FBXL7: variants seen among roughly 807,000 people sequenced by gnomAD.
FBXL7 encodes the protein F-box/LRR-repeat protein 7.
Under a neutral mutation model 38.3 loss-of-function variants are expected in FBXL7, and 12 were observed. That is an observed-to-expected ratio of 0.31 (90% CI 0.20 to 0.51). The LOEUF (loss-of-function observed/expected upper bound fraction) is 0.51. FBXL7 is among the 20% of genes least tolerant of loss of function. The pLI, the probability that FBXL7 is intolerant of heterozygous loss-of-function variation, is 0.98. For missense variants in FBXL7, 567 were observed against 676.4 expected, an observed-to-expected ratio of 0.84 and a Z score of 1.79; for synonymous variants, 297 against 300.9, an observed-to-expected ratio of 0.99 and a Z score of 0.13.
At chr5:15,869,617 T>C (rs1463587972) in intron 2 of FBXL7, among the ~76,000 whole-genome samples, 1 of 152,148 alleles carries the variant, frequency 6.6e-6, no homozygotes, top group Non-Finnish European at 1.5e-5. Flanking sequence ...GATCCCTAAA[T>C]AGAGATTTTT....
chr5:15,589,654 A>G (rs1307238902), intron 1 of FBXL7, among the ~76,000 whole-genome samples: 1 of 152,190 alleles, frequency 6.6e-6, no homozygotes, highest in Non-Finnish European at 1.5e-5. Flanking sequence ...TTATTTTTCT[A>G]TTCTTCAAAT....
intron 2 of FBXL7, among the ~76,000 whole-genome samples, chr5:15,664,269 C>G (rs931666785): frequency 2.0e-5 from 3 of 152,134 alleles, no homozygotes; most frequent in South Asian, 2.1e-4. Flanking sequence ...CTCTCTCAGT[C>G]TTTGTGTTAT....
At chr5:15,689,634 TAAAC>T (rs1328057813) in intron 2 of FBXL7, among the ~76,000 whole-genome samples, 3 of 152,288 alleles carry the variant, frequency 2.0e-5, no homozygotes, top group African/African-American at 4.8e-5. Flanking sequence ...TTAACTAAGA[TAAAC>T]AAAAACACTT....
At chr5:15,600,228 C>T (rs1224745685) in intron 1 of FBXL7, among the ~76,000 whole-genome samples, 1 of 152,232 alleles carries the variant, frequency 6.6e-6, no homozygotes, top group African/African-American at 2.4e-5. Flanking sequence ...GGTCAGTGGT[C>T]TCTTATCAGG....
chr5:15,928,328 A>C lies in FBXL7; in HGVS notation c.566A>C (p.Glu189Ala). 1 of 1,613,940 alleles carries C rather than the reference A, an allele frequency of 6.2e-7. No individual in the cohort carries two copies. The highest frequency in any genetic ancestry group is 8.5e-7 in the Non-Finnish European group (1 of 1,179,862). The change falls in exon 3 of 4, where the codon GAA becomes GCA. Residue 189 changes from glutamate (E) to alanine (A), a missense_variant. Coordinates refer to ENST00000504595, the MANE Select transcript of FBXL7 (RefSeq NM_012304.5). The surrounding 1 kb of genome is among the most constrained non-coding windows in gnomAD (Gnocchi z 4.0). ...ACCCCCAACGTGTGTCTCATGCTGGAAACCGTAACTGTCAGTGGCTGCAGG... is the reference window on the plus strand; with the variant it reads ...ACCCCCAACGTGTGTCTCATGCTGGCAACCGTAACTGTCAGTGGCTGCAGG... ...QDTPNVCLML[E>A]TVTVSGCRRL...
At chr5:15,845,840 G>A (rs1016435091) in intron 2 of FBXL7, among the ~76,000 whole-genome samples, 11 of 152,026 alleles carry the variant, frequency 7.2e-5, no homozygotes, top group Non-Finnish European at 1.0e-4. Context: ...GCGTGGTGGC[G>A]GGTGCCTGGA....
intron 2 of FBXL7, among the ~76,000 whole-genome samples, chr5:15,808,021 C>A (rs942361780): frequency 6.6e-6 from 1 of 152,116 alleles, no homozygotes; most frequent in African/African-American, 2.4e-5. Context: ...CCCCCGTGAC[C>A]GTAGACCAGG....
intron 1 of FBXL7, among the ~76,000 whole-genome samples, chr5:15,539,173 A>G (rs1225811353): frequency 6.6e-6 from 1 of 152,236 alleles, no homozygotes; most frequent in African/African-American, 2.4e-5. Context: ...GGCAATAAAA[A>G]TGCAACAGTA....
chr5:15,761,940 T>C (rs765071601), intron 2 of FBXL7, among the ~76,000 whole-genome samples: 7 of 152,202 alleles, frequency 4.6e-5, no homozygotes, highest in African/African-American at 7.2e-5. Context: ...CTATATCAAG[T>C]TATCAATTGC....
intron 1 of FBXL7, among the ~76,000 whole-genome samples, chr5:15,592,760 C>T (rs1237700292): frequency 6.6e-6 from 1 of 152,000 alleles, no homozygotes; most frequent in Non-Finnish European, 1.5e-5. Flanking sequence ...AAATTATGCT[C>T]CTAACCTTTA....
intron 2 of FBXL7, among the ~76,000 whole-genome samples, chr5:15,866,468 A>G (rs1191991299): frequency 6.6e-6 from 1 of 152,196 alleles, no homozygotes; most frequent in Non-Finnish European, 1.5e-5. Context: ...GAAGTTTTCA[A>G]ATGATACTTC....
intron 2 of FBXL7, among the ~76,000 whole-genome samples, chr5:15,773,548 C>A (rs1736784207): frequency 6.6e-6 from 1 of 151,988 alleles, no homozygotes. Flanking sequence ...TCAAGGGAGG[C>A]TGAGATGGGA....
chr5:15,639,443 G>A (rs1489607648), intron 2 of FBXL7, among the ~76,000 whole-genome samples: 1 of 152,074 alleles, frequency 6.6e-6, no homozygotes, highest in African/African-American at 2.4e-5. Flanking sequence ...TTATATCAGA[G>A]GGAGTTTCCC....
intron 2 of FBXL7, among the ~76,000 whole-genome samples, chr5:15,758,551 A>G (rs1736359756): frequency 6.6e-6 from 1 of 152,184 alleles, no homozygotes; most frequent in Non-Finnish European, 1.5e-5. Context: ...CCGGATAGAT[A>G]TATTATGGTT....
rs111359425 is a variant in FBXL7, at chr5:15,695,768, A to G, written c.127+79696A>G. 1.7e-3 allele frequency among the ~76,000 whole-genome samples: 266 copies of G among 152,258 alleles called. 1 individual carries two copies. The highest frequency in any genetic ancestry group is 6.3e-3 in the African/African-American group (261 of 41,556). Reference sequence around the variant, plus strand: ...ACCCAGAAAGATTATCATACAACACATGAAAGTTAGAGTTGGGATTCAACC... The same window carrying G: ...ACCCAGAAAGATTATCATACAACACGTGAAAGTTAGAGTTGGGATTCAACC... On this transcript the variant is annotated intron_variant, in intron 2 of 3. Coordinates refer to ENST00000504595, the MANE Select transcript of FBXL7 (RefSeq NM_012304.5).
intron 2 of FBXL7, among the ~76,000 whole-genome samples, chr5:15,695,733 G>A (rs931896303): frequency 2.0e-5 from 3 of 152,116 alleles, no homozygotes. Context: ...TTATAGTGGG[G>A]AGAGAGCATA....
At chr5:15,551,934 A>T (rs918513560) in intron 1 of FBXL7, among the ~76,000 whole-genome samples, 1 of 152,180 alleles carries the variant, frequency 6.6e-6, no homozygotes, top group Admixed American at 6.5e-5. Context: ...TCTTGTTCTT[A>T]TATGGTCTTG....
At chr5:15,543,934 G>A (rs550559271) in intron 1 of FBXL7, among the ~76,000 whole-genome samples, 4 of 152,284 alleles carry the variant, frequency 2.6e-5, no homozygotes, top group African/African-American at 9.6e-5. Context: ...ACTCAACTCC[G>A]GAGGTGGGAC....
chr5:15,787,350 C>T (rs1439000610), intron 2 of FBXL7, among the ~76,000 whole-genome samples: 1 of 152,136 alleles, frequency 6.6e-6, no homozygotes, highest in Non-Finnish European at 1.5e-5. Flanking sequence ...TAATTTCAAA[C>T]AGAGCTGCCT....
Sources: gnomAD v4.1 joint callset for allele counts (sites outside exome capture counted in the v4.1 genomes callset) on GRCh38, gnomAD v4.1.1 for gene constraint, Gnocchi (gnomAD v3.1) non-coding constraint, MANE v1.5 for transcripts, NCBI Gene and HGNC (gene_info 2026-07-23, HGNC 2026-07-21) for gene names.